Variants in KCNH1 observed in about 807,000 individuals in gnomAD.
KCNH1 encodes potassium voltage-gated channel subfamily H member 1.
A neutral mutation model predicts 69.2 loss-of-function variants in KCNH1; 27 were observed. The ratio of observed to expected loss-of-function variants is 0.39; its 90% confidence interval spans 0.29 to 0.54. The LOEUF is 0.54. Ranked by LOEUF, KCNH1 falls within the 20% of genes least tolerant of loss-of-function variation. The pLI is 0.68. For missense variants in KCNH1, 798 were observed against 1,261.6 expected, an observed-to-expected ratio of 0.63 and a Z score of 5.57; for synonymous variants, 456 against 487.7, an observed-to-expected ratio of 0.93 and a Z score of 0.86.
intron 2 of KCNH1, among the ~76,000 whole-genome samples, chr1:211,106,987 C>A (rs1164385217): frequency 6.6e-6 from 1 of 152,150 alleles, no homozygotes; most frequent in African/African-American, 2.4e-5. Flanking sequence ...TTTGAGTTCA[C>A]ATTTTATAGA....
chr1:210,890,276 A>G (rs1354198195), intron 7 of KCNH1, among the ~76,000 whole-genome samples: 1 of 152,232 alleles, frequency 6.6e-6, no homozygotes, highest in African/African-American at 2.4e-5. Flanking sequence ...CACATCTGAC[A>G]AAAACAAGAA....
intron 7 of KCNH1, among the ~76,000 whole-genome samples, chr1:210,885,152 G>A (rs963797476): frequency 3.9e-5 from 6 of 152,200 alleles, no homozygotes; most frequent in East Asian, 1.9e-4. Context: ...GAACAACTCC[G>A]GTCTGCAGCA....
chr1:210,915,466 A>G (rs1687315809), intron 7 of KCNH1, among the ~76,000 whole-genome samples: 1 of 152,128 alleles, frequency 6.6e-6, no homozygotes, highest in Admixed American at 6.5e-5. Flanking sequence ...AGGAGAGATT[A>G]CATGGGAGAA....
At chr1:211,111,350 C>A (rs1571655116) in intron 1 of KCNH1, among the ~76,000 whole-genome samples, 1 of 150,050 alleles carries the variant, frequency 6.7e-6, no homozygotes, top group East Asian at 2.0e-4. Flanking sequence ...GCCCCCCCAC[C>A]GTCTGGGAAG....
intron 6 of KCNH1, among the ~76,000 whole-genome samples, chr1:210,940,083 T>C (rs565591200): frequency 6.6e-6 from 1 of 152,366 alleles, no homozygotes; most frequent in South Asian, 2.1e-4. Flanking sequence ...AACTGTATAA[T>C]GGAATAAATT....
At chr1:210,709,273 G>A (rs893046094) in intron 10 of KCNH1, among the ~76,000 whole-genome samples, 39 of 152,196 alleles carry the variant, frequency 2.6e-4, no homozygotes, top group African/African-American at 8.7e-4. Flanking sequence ...TTTTGACATG[G>A]AGACACAGAT....
chr1:210,838,072 A>G (rs1685324830), intron 7 of KCNH1, among the ~76,000 whole-genome samples: 1 of 152,178 alleles, frequency 6.6e-6, no homozygotes, highest in Admixed American at 6.6e-5. Context: ...TGGAAATATC[A>G]CCGTACCTAA....
At chr1:210,901,661 T>C (rs568892215) in intron 7 of KCNH1, among the ~76,000 whole-genome samples, 1 of 152,276 alleles carries the variant, frequency 6.6e-6, no homozygotes, top group South Asian at 2.1e-4. Context: ...GTCCAGGGGC[T>C]GGAGATGGGG....
intron 6 of KCNH1, among the ~76,000 whole-genome samples, chr1:210,964,905 G>T (rs550388721): frequency 5.3e-5 from 8 of 152,232 alleles, no homozygotes; most frequent in African/African-American, 1.9e-4. Flanking sequence ...TCTCCACCAT[G>T]ATCAAGTCAG....
chr1:210,921,809 G>A (rs1428540814), intron 6 of KCNH1, among the ~76,000 whole-genome samples: 1 of 152,152 alleles, frequency 6.6e-6, no homozygotes, highest in Non-Finnish European at 1.5e-5. Flanking sequence ...GGTCCCGGAA[G>A]GACTATGTGG....
rs904829331 is a variant in KCNH1 at position 210,872,202 on chromosome 1, T to C, written c.1462+47438A>G. 6.7e-5 allele frequency among the ~76,000 whole-genome samples: 10 copies of C among 149,708 alleles called. No individual in the cohort carries two copies. In the East Asian group the frequency reaches 2.0e-3, roughly 30 times the overall value. On this transcript the variant is annotated intron_variant, in intron 7 of 10. Coordinates refer to ENST00000271751, the MANE Select transcript of KCNH1 (RefSeq NM_172362.3). ...AAGATAATCGATGTTAAGTACTTTA[T>C]ATAGTGCCTGTACCATGGTAAATGC...
At position 210,771,720 on chromosome 1, in the gene KCNH1, A is replaced by C. The variant is rs553560854; in HGVS notation, c.2112+3628T>G. 2.0e-5 allele frequency among the ~76,000 whole-genome samples: 3 copies of C among 152,376 alleles called. No individual in the cohort carries two copies. The South Asian group carries it at 6.2e-4, about 32-fold the overall frequency. ...ATTATCTTATTTAATGCTTGCAACT[A>C]TCCTACAAGTTAGAAATTTTCATCA... On this transcript the variant is annotated intron_variant, in intron 10 of 10. Transcript: ENST00000271751.
chr1:210,691,110 T>A (rs975879138), intron 10 of KCNH1, among the ~76,000 whole-genome samples: 4 of 152,258 alleles, frequency 2.6e-5, no homozygotes, highest in African/African-American at 9.6e-5. Context: ...AGGAGAGTGC[T>A]TGACTTTAAT....
At chr1:210,735,662 T>C (rs149445747) in intron 10 of KCNH1, among the ~76,000 whole-genome samples, 1 of 152,254 alleles carries the variant, frequency 6.6e-6, no homozygotes, top group African/African-American at 2.4e-5. Flanking sequence ...TATATGTTGA[T>C]CACAATGGAT....
rs530037101 is a variant in KCNH1 at position 211,056,348 on chromosome 1, C to G, written c.558+26432G>C. ...GAGTGGGAAGGACTTTGTCTCATGG[C>G]TTGGGTGCCAGGTCAGCTACAATAG... is the stretch of plus-strand genomic sequence containing the variant. On this transcript the variant is annotated intron_variant, in intron 5 of 10. Transcript: ENST00000271751. 3.9e-5 allele frequency among the ~76,000 whole-genome samples: 6 copies of G among 152,222 alleles called. No homozygotes were observed. In the South Asian group the frequency reaches 1.2e-3, roughly 32 times the overall value.
At chr1:211,043,074 C>T (rs1690027998) in intron 5 of KCNH1, among the ~76,000 whole-genome samples, 1 of 151,934 alleles carries the variant, frequency 6.6e-6, no homozygotes, top group African/African-American at 2.4e-5. Flanking sequence ...CAAGCCAAAC[C>T]CAAACCCAGC....
intron 6 of KCNH1, among the ~76,000 whole-genome samples, chr1:210,998,158 A>G (rs1286621586): frequency 6.6e-6 from 1 of 152,232 alleles, no homozygotes; most frequent in Non-Finnish European, 1.5e-5. Context: ...ATACTGCATA[A>G]CAATATTAAC....
In KCNH1 at chr1:210,771,504, C is replaced by T. The variant is rs187240662; in HGVS notation, c.2112+3844G>A. On this transcript the variant is annotated intron_variant, in intron 10 of 10. Coordinates refer to ENST00000271751, the MANE Select transcript of KCNH1 (RefSeq NM_172362.3). ...GAGAACCTGCGGATAACACCTACCC[C>T]ACAGAACATTGCGCAGGGCAATAAC... 2.0e-4 allele frequency among the ~76,000 whole-genome samples: 31 copies of T among 152,314 alleles called. 1 individual carries two copies. In the East Asian group the frequency reaches 5.8e-3, roughly 28 times the overall value.
chr1:210,716,504 T>C (rs1377446817), intron 10 of KCNH1, among the ~76,000 whole-genome samples: 2 of 151,954 alleles, frequency 1.3e-5, no homozygotes, highest in East Asian at 3.9e-4. Context: ...TGTATGCTAT[T>C]ACTAAAGGGT....
Sources: gnomAD v4.1 joint callset for allele counts (sites outside exome capture counted in the v4.1 genomes callset) on GRCh38, gnomAD v4.1.1 for gene constraint, MANE v1.5 for transcripts, NCBI Gene and HGNC (gene_info 2026-07-23, HGNC 2026-07-21) for gene names.